Variants in STK11 observed in about 807,000 individuals in gnomAD.
STK11 encodes the protein serine/threonine-protein kinase STK11.
A neutral mutation model predicts 47.3 loss-of-function variants in STK11; 8 were observed. The ratio of observed to expected loss-of-function variants is 0.17; its 90% confidence interval spans 0.10 to 0.31. The LOEUF is 0.31. Among genes scored for constraint, STK11 ranks in the 10% least tolerant of loss-of-function variants. STK11 has a pLI of 1.00. For missense variants in STK11, 475 were observed against 605.0 expected (o/e 0.79, Z 2.25); for synonymous variants, 330 against 255.8 (o/e 1.29, Z -2.77).
At chr19:1,220,843 G>A (rs2080778465) in intron 5 of STK11, 126 bp downstream of exon 5, 15 of 1,371,066 alleles carry the variant, frequency 1.1e-5, no homozygotes, top group Admixed American at 4.9e-5. Flanking sequence ...GGCCACAGCC[G>A]CTAGGGGGTG....
intron 1 of STK11, among the ~76,000 whole-genome samples, chr19:1,216,630 G>A (rs1184131313): frequency 1.3e-5 from 2 of 151,580 alleles, no homozygotes; most frequent in Admixed American, 1.3e-4. Flanking sequence ...GTTTTCCGAG[G>A]CCGAGGTGGG....
In STK11 at chr19:1,221,933, G is replaced by A. The variant is rs373096204; in HGVS notation, c.863-16G>A. 2.8e-5 allele frequency: 43 copies of A among 1,551,482 alleles called. No homozygotes were observed. Among genetic ancestry groups the A allele is most frequent in the African/African-American group, 2.3e-4 (17 of 73,208 alleles). On this transcript the variant is annotated splice_polypyrimidine_tract_variant and intron_variant, in intron 6 of 9. Coordinates refer to ENST00000326873, the MANE Select transcript of STK11 (RefSeq NM_000455.5). ...CCTGTGCCCAGCTGACAGGCTCCTC[G>A]CCGGCTTCTCCTCAGGGATGCTTGA... is the stretch of plus-strand genomic sequence containing the variant.
At chr19:1,222,651 C>T (rs902709819) in intron 7 of STK11, among the ~76,000 whole-genome samples, 1 of 152,186 alleles carries the variant, frequency 6.6e-6, no homozygotes, top group Non-Finnish European at 1.5e-5. Flanking sequence ...CCCCCGATAG[C>T]CTCCTGGGCT....
At chr19:1,209,112 G>A (rs539081295) in intron 1 of STK11, among the ~76,000 whole-genome samples, 8 of 152,114 alleles carry the variant, frequency 5.3e-5, no homozygotes, top group Admixed American at 3.3e-4. Flanking sequence ...AGTGCCTTGA[G>A]TCAGTGGAGC....
In STK11 at chr19:1,206,733, AC is replaced by A. The variant is rs1217183530; in HGVS notation, c.-180del. On this transcript the variant is annotated 5_prime_UTR_variant, in exon 1 of 10. Coordinates refer to ENST00000326873, the MANE Select transcript of STK11 (RefSeq NM_000455.5). ...GGGCTTGGACTCGCAGCCGGGACTGACGTGTAGAACAATCGTTTCTGTTGGA... is the reference window on the plus strand; with the variant it reads ...GGGCTTGGACTCGCAGCCGGGACTGAGTGTAGAACAATCGTTTCTGTTGGA... The A allele has an allele frequency of 1.2e-6, 1 of 845,692 alleles. No individual in the cohort carries two copies. The highest frequency in any genetic ancestry group is 1.8e-6 in the Non-Finnish European group (1 of 566,960). 52.4% of individuals were successfully genotyped at this position (845,692 alleles called of 1,614,324 possible).
rs768282654 is a variant in STK11, at chr19:1,220,353, C to T, written c.465-20C>T. ...GGGCAGGGAGGCCTCGGCCCCAGGA[C>T]GGGTGTGTGCTGCCCGCAGGTACTT... On this transcript the variant is annotated intron_variant, in intron 3 of 9. Coordinates refer to ENST00000326873, the MANE Select transcript of STK11 (RefSeq NM_000455.5). 16 of 1,591,472 alleles carry T rather than the reference C, an allele frequency of 1.0e-5. No homozygotes were observed. Among genetic ancestry groups the T allele is most frequent in the South Asian group, 4.6e-5 (4 of 87,812 alleles).
intron 1 of STK11, among the ~76,000 whole-genome samples, chr19:1,210,945 A>T (rs1258381672): frequency 6.6e-6 from 1 of 151,958 alleles, no homozygotes; most frequent in Non-Finnish European, 1.5e-5. Flanking sequence ...GTTTGATCAC[A>T]AGGTCAGAAG....
intron 1 of STK11, among the ~76,000 whole-genome samples, chr19:1,210,551 AG>A (rs2080702724): frequency 6.6e-6 from 1 of 152,236 alleles, no homozygotes; most frequent in South Asian, 2.1e-4. Flanking sequence ...TATTAGAAAT[AG>A]GAAAGTTCCA....
At chr19:1,210,247 G>C (rs764281642) in intron 1 of STK11, among the ~76,000 whole-genome samples, 3 of 152,184 alleles carry the variant, frequency 2.0e-5, no homozygotes, top group Non-Finnish European at 4.4e-5. Flanking sequence ...CCAGCCCTGA[G>C]GCCCAAGGCC....
chr19:1,220,578 C>T lies in STK11; in HGVS notation c.598-3C>T, dbSNP rs2080775782. 6.3e-7 allele frequency: 1 copy of T among 1,581,288 alleles called. No homozygotes were observed. Among genetic ancestry groups the T allele is most frequent in the Non-Finnish European group, 8.6e-7 (1 of 1,162,848 alleles). ...CCCTGAGGGCTGCACGGCACCGCCA[C>T]AGGCACTGCACCCGTTCGCGGCGGA... On this transcript the variant is annotated splice_polypyrimidine_tract_variant and splice_region_variant and intron_variant, in intron 4 of 9. Coordinates refer to ENST00000326873, the MANE Select transcript of STK11 (RefSeq NM_000455.5).
intron 1 of STK11, among the ~76,000 whole-genome samples, chr19:1,213,619 G>A (rs907549617): frequency 6.6e-6 from 1 of 152,238 alleles, no homozygotes; most frequent in Non-Finnish European, 1.5e-5. Flanking sequence ...GCTGTTCACG[G>A]CTGCGTCACT....
rs143970500 is a variant in STK11 at position 1,223,527 on chromosome 19, T to A, written c.1108+355T>A. On this transcript the variant is annotated intron_variant, in intron 8 of 9. Coordinates refer to ENST00000326873, the MANE Select transcript of STK11 (RefSeq NM_000455.5). ...GGGGGAGGGTAGGTGAGAGTCAGGGTGCAGGGTGGCCCCTCAGACAGCTGG... is the reference window on the plus strand; with the variant it reads ...GGGGGAGGGTAGGTGAGAGTCAGGGAGCAGGGTGGCCCCTCAGACAGCTGG... The A allele has an allele frequency of 9.9e-4, 980 of 994,030 alleles. 6 individuals carry two copies. In the African/African-American group the frequency reaches 0.014, roughly 14 times the overall value. The allele number at this position is 994,030 out of a possible 1,614,324, so 61.6% of individuals were successfully genotyped here.
At chr19:1,223,598 C>G (rs1366846331) in intron 8 of STK11, 5 of 1,077,008 alleles carry the variant, frequency 4.6e-6, no homozygotes, top group African/African-American at 1.6e-5. Context: ...TCCCTGAGGC[C>G]TGCCCGCTGG....
At chr19:1,221,649 C>T (rs1020831436) in intron 6 of STK11, 19 of 587,224 alleles carry the variant, frequency 3.2e-5, no homozygotes, top group Non-Finnish European at 5.1e-5. Flanking sequence ...TGCTGCACTT[C>T]CTACGCATGG....
At position 1,222,992 on chromosome 19, in the gene STK11, C is replaced by T. The variant is rs750366043; in HGVS notation, c.928C>T (p.Arg310Trp). ...IRQIRQHSWF[R>W]KKHPPAEAPV... is the part of the protein sequence containing the mutation. ...GCTTCTGGGCGTTTGCAGCTGGTTC[C>T]GGAAGAAACATCCTCCGGCTGAAGC... Residue 310 changes from arginine to tryptophan, a missense_variant, in exon 8 of 10, where the codon CGG becomes TGG. Arg to Trp is a moderately radical substitution (Grantham distance 101). Around this residue, in one of 5 missense-constraint regions of STK11, gnomAD observed 219 missense variants for 189.2 expected, o/e 1.16. Coordinates refer to ENST00000326873, the MANE Select transcript of STK11 (RefSeq NM_000455.5). 2 of 1,554,450 alleles carry T rather than the reference C, an allele frequency of 1.3e-6. No individual in the cohort carries two copies. Among genetic ancestry groups the T allele is most frequent in the Non-Finnish European group, 1.7e-6 (2 of 1,147,622 alleles).
chr19:1,219,240 C>T, intron 2 of STK11, 84 bp from the exon 3 acceptor site: 1 of 1,494,544 alleles, frequency 6.7e-7, no homozygotes, highest in South Asian at 1.2e-5. Context: ...CAGAGGGTCC[C>T]TCCAGAGCCC....
At chr19:1,224,061 C>G in intron 8 of STK11, 3 of 1,001,200 alleles carry the variant, frequency 3.0e-6, no homozygotes, top group Non-Finnish European at 3.6e-6. Flanking sequence ...AGTGGGGGCC[C>G]TGCAGAGAGC....
At chr19:1,207,372 T>C (rs2080675363) in intron 1 of STK11, among the ~76,000 whole-genome samples, 169 bp downstream of exon 1, 1 of 152,154 alleles carries the variant, frequency 6.6e-6, no homozygotes, top group Non-Finnish European at 1.5e-5. Context: ...GTTGGGGGCC[T>C]GCGTTACGGA....
At chr19:1,214,798 C>G (rs1161535127) in intron 1 of STK11, among the ~76,000 whole-genome samples, 1 of 152,184 alleles carries the variant, frequency 6.6e-6, no homozygotes, top group Non-Finnish European at 1.5e-5. Context: ...CCGTGGCTCC[C>G]TCAGCTCCAC....
Sources: allele counts gnomAD v4.1 joint callset (sites outside exome capture counted in the v4.1 genomes callset), GRCh38; gene constraint gnomAD v4.1.1; regional missense constraint gnomAD v4.1.1; transcripts MANE v1.5; gene names NCBI Gene and HGNC (gene_info 2026-07-23, HGNC 2026-07-21).